ISX: variants seen among roughly 807,000 people sequenced by gnomAD.
ISX encodes intestine-specific homeobox.
A neutral mutation model predicts 16.9 loss-of-function variants in ISX; 15 were observed. That is an observed-to-expected ratio of 0.89 (90% CI 0.59 to 1.36). ISX has a LOEUF of 1.36. ISX is among the 40% of genes most tolerant of loss of function. The probability of loss-of-function intolerance (pLI) is 0.00; values close to 1 mark genes in which losing one functional copy is unlikely to be tolerated. For missense variants in ISX, 316 were observed against 306.1 expected, an observed-to-expected ratio of 1.03 and a Z score of -0.24; for synonymous variants, 125 against 119.7, an observed-to-expected ratio of 1.04 and a Z score of -0.29.
intron 2 of ISX, among the ~76,000 whole-genome samples, chr22:35,067,701 T>G (rs1259987041): frequency 1.3e-5 from 2 of 152,180 alleles, no homozygotes; most frequent in East Asian, 3.8e-4. Context: ...AAGAGGAGGA[T>G]AATGTCCCCA....
At chr22:35,078,856 T>C (rs1321981219) in intron 2 of ISX, among the ~76,000 whole-genome samples, 1 of 152,220 alleles carries the variant, frequency 6.6e-6, no homozygotes, top group Non-Finnish European at 1.5e-5. Context: ...TGAGTGCTTT[T>C]GAGCCATTCA....
At position 35,067,321 on chromosome 22, in the gene ISX, G is replaced by C. The variant is rs1928731383; in HGVS notation, c.229+5G>C. On this transcript the variant is annotated splice_donor_5th_base_variant and intron_variant, in intron 2 of 4. Transcript: ENST00000404699. Reference sequence around the variant, plus strand: ...CTCCAAAGGACCAGCCCCAGGGTAAGTGTCTTCTGATCATTTCTTTCTGTT... The same window carrying C: ...CTCCAAAGGACCAGCCCCAGGGTAACTGTCTTCTGATCATTTCTTTCTGTT... The C allele has an allele frequency of 6.5e-7, 1 of 1,548,076 alleles. No individual in the cohort carries two copies. Among genetic ancestry groups the C allele is most frequent in the Non-Finnish European group, 8.8e-7 (1 of 1,142,166 alleles).
chr22:35,067,466 A>G (rs1386906772), intron 2 of ISX, 150 bp downstream of exon 2: 2 of 626,480 alleles, frequency 3.2e-6, no homozygotes, highest in Non-Finnish European at 5.6e-6. Context: ...TTCCTGATAT[A>G]CCTTTCAATC....
In ISX at chr22:35,085,521, A is replaced by G; in HGVS notation, c.566A>G (p.Gln189Arg). The change falls in exon 5 of 5, where the codon CAA (glutamine) becomes CGA (arginine). Residue 189 changes from glutamine (Q) to arginine (R), a missense_variant. Gln to Arg is a conservative substitution (Grantham distance 43, BLOSUM62 1). Transcript: ENST00000404699. ...CCCACGAGCTGTTGTCCATCGGCTC[A>G]AGATCAGCTGGCCTCTGCCTGGTTC... ...APPTSCCPSA[Q>R]DQLASAWFPA... 6.2e-7 allele frequency: 1 copy of G among 1,614,120 alleles called. No homozygotes were observed. Among genetic ancestry groups the G allele is most frequent in the Non-Finnish European group, 8.5e-7 (1 of 1,179,994 alleles).
intron 4 of ISX, 73 bp downstream of exon 4, chr22:35,084,572 G>C: frequency 1.0e-6 from 1 of 980,732 alleles, no homozygotes; most frequent in Non-Finnish European, 1.6e-6. Context: ...ACCCAGATGT[G>C]AAGAAGCACC....
intron 4 of ISX, among the ~76,000 whole-genome samples, 162 bp from the exon 5 acceptor site, chr22:35,085,292 C>T (rs900052202): frequency 2.6e-5 from 4 of 152,198 alleles, no homozygotes; most frequent in African/African-American, 9.7e-5. Context: ...TTGCATGGGT[C>T]CACACAGGAC....
In ISX at chr22:35,066,971, G is replaced by C. The variant is rs551527296; in HGVS notation, c.-117G>C. Reference sequence around the variant, plus strand: ...TCCTGTTTGGATCATCTAACTGGAGGCTCTCTGTTCTTCACCTCCACGCGC... The same window carrying C: ...TCCTGTTTGGATCATCTAACTGGAGCCTCTCTGTTCTTCACCTCCACGCGC... On this transcript the variant is annotated 5_prime_UTR_variant, in exon 2 of 5. Transcript: ENST00000404699. 2 of 670,870 alleles carry C rather than the reference G, an allele frequency of 3.0e-6. No individual in the cohort carries two copies. Among genetic ancestry groups the C allele is most frequent in the Non-Finnish European group, 5.1e-6 (2 of 390,782 alleles). 41.6% of individuals were successfully genotyped at this position (670,870 alleles called of 1,614,324 possible). A position where few individuals can be genotyped will look rare whatever the true frequency, so the allele number is the denominator to read the frequency against.
chr22:35,076,025 G>C (rs912959266), intron 2 of ISX, among the ~76,000 whole-genome samples: 3 of 151,836 alleles, frequency 2.0e-5, no homozygotes, highest in African/African-American at 7.3e-5. Flanking sequence ...TTGACTCATA[G>C]AGACTCATAG....
intron 2 of ISX, among the ~76,000 whole-genome samples, chr22:35,068,056 A>G (rs766293530): frequency 1.3e-5 from 2 of 152,172 alleles, no homozygotes; most frequent in African/African-American, 2.4e-5. Flanking sequence ...TCTTAGCTCT[A>G]CCTTGGCCTG....
rs374102389 is a variant in ISX, at chr22:35,066,782, G to T, written c.-306G>T. On this transcript the variant is annotated 5_prime_UTR_variant, in exon 2 of 5. Coordinates refer to ENST00000404699, the MANE Select transcript of ISX (RefSeq NM_001303508.2). The stretch of plus-strand genomic sequence containing the variant: ...CTGGCCTAACCTGGTGATTGTGCAG[G>T]CAACTGTGTCCGAGAAGACCCTTCT... 21 of 333,804 alleles carry T rather than the reference G, an allele frequency of 6.3e-5. No homozygotes were observed. The highest frequency in any genetic ancestry group is 2.2e-4 in the Admixed American group (5 of 23,098). The allele number at this position is 333,804 out of a possible 1,614,324, so 20.7% of individuals were successfully genotyped here.
At chr22:35,073,800 C>T (rs960509687) in intron 2 of ISX, among the ~76,000 whole-genome samples, 1 of 152,220 alleles carries the variant, frequency 6.6e-6, no homozygotes, top group Non-Finnish European at 1.5e-5. Context: ...AGGAGCCAGC[C>T]CACGCTGGCC....
At chr22:35,069,966 C>A (rs76265821) in intron 2 of ISX, among the ~76,000 whole-genome samples, 5,528 of 152,170 alleles carry the variant, frequency 0.036, 358 homozygotes, top group African/African-American at 0.13. Flanking sequence ...GTGAAAAGGC[C>A]CAGGAATCTG....
intron 2 of ISX, among the ~76,000 whole-genome samples, chr22:35,074,355 T>C (rs1928928292): frequency 6.6e-6 from 1 of 152,228 alleles, no homozygotes; most frequent in Non-Finnish European, 1.5e-5. Context: ...GGAGTCTTCA[T>C]CTTGCTGTTC....
chr22:35,082,022 C>T (rs1001297240), intron 2 of ISX, among the ~76,000 whole-genome samples: 3 of 152,222 alleles, frequency 2.0e-5, no homozygotes, highest in African/African-American at 7.2e-5. Context: ...AAGACTGACA[C>T]ACTTTTTCTA....
intron 2 of ISX, among the ~76,000 whole-genome samples, chr22:35,073,033 C>T (rs1417548062): frequency 1.3e-5 from 2 of 152,220 alleles, no homozygotes; most frequent in Admixed American, 1.3e-4. Context: ...GGGCCCTCCA[C>T]ATGCTGCTTG....
At chr22:35,076,556 G>A (rs1373556429) in intron 2 of ISX, among the ~76,000 whole-genome samples, 1 of 152,132 alleles carries the variant, frequency 6.6e-6, no homozygotes, top group African/African-American at 2.4e-5. Flanking sequence ...CTGCAAAGGG[G>A]GCCCTGGGTG....
chr22:35,085,490 G>T lies in ISX; in HGVS notation c.535G>T (p.Ala179Ser). 6.2e-7 allele frequency: 1 copy of T among 1,614,210 alleles called. No homozygotes were observed. The highest frequency in any genetic ancestry group is 1.3e-5 in the African/African-American group (1 of 75,054). ...GACATCCACTGCTCTGCGCAGGCTGGCTCCTCCCACGAGCTGTTGTCCATC... is the reference window on the plus strand; with the variant it reads ...GACATCCACTGCTCTGCGCAGGCTGTCTCCTCCCACGAGCTGTTGTCCATC... ...TWTSTALRRLAPPTSCCPSAQ... is the reference protein window; with the variant it reads ...TWTSTALRRLSPPTSCCPSAQ... Residue 179 changes from alanine to serine, a missense_variant, in exon 5 of 5, where the codon GCT becomes TCT. Transcript: ENST00000404699.
chr22:35,082,597 T>G lies in ISX; in HGVS notation c.309T>G (p.Phe103Leu), dbSNP rs757214192. 7 of 1,614,074 alleles carry G rather than the reference T, an allele frequency of 4.3e-6. No homozygotes were observed. The highest frequency in any genetic ancestry group is 5.1e-6 in the Non-Finnish European group (6 of 1,180,026). ...ATGAGCTGGAGAAGATCTTCCACTTTACCCACTACCCAGACGTTCACATCC... is the reference window on the plus strand; with the variant it reads ...ATGAGCTGGAGAAGATCTTCCACTTGACCCACTACCCAGACGTTCACATCC... ...QLHELEKIFH[F>L]THYPDVHIRS... The change falls in exon 3 of 5, where the codon TTT (phenylalanine) becomes TTG (leucine). Residue 103 changes from phenylalanine to leucine, a missense_variant. Coordinates refer to ENST00000404699, the MANE Select transcript of ISX (RefSeq NM_001303508.2).
chr22:35,079,258 A>G (rs1929065146), intron 2 of ISX, among the ~76,000 whole-genome samples: 1 of 152,082 alleles, frequency 6.6e-6, no homozygotes, highest in African/African-American at 2.4e-5. Context: ...GAGTCAGAAG[A>G]CCTCAGCTGG....
Sources: allele counts gnomAD v4.1 joint callset (sites outside exome capture counted in the v4.1 genomes callset), GRCh38; gene constraint gnomAD v4.1.1; transcripts MANE v1.5; gene names NCBI Gene and HGNC (gene_info 2026-07-23, HGNC 2026-07-21).